ME1: variants seen among roughly 807,000 people sequenced by gnomAD.
ME1 encodes NADP-dependent malic enzyme.
Under a neutral mutation model 66.4 loss-of-function variants are expected in ME1, and 74 were observed. That is an observed-to-expected ratio of 1.11 (90% CI 0.92 to 1.35). The LOEUF is 1.35. Among genes scored for constraint, ME1 ranks in the 40% most tolerant of loss-of-function variants. ME1 has a pLI of 0.00. For missense variants in ME1, 750 were observed against 694.1 expected, an observed-to-expected ratio of 1.08 and a Z score of -0.90; for synonymous variants, 251 against 235.6, an observed-to-expected ratio of 1.07 and a Z score of -0.60.
At chr6:83,273,833 A>G (rs1767129012) in intron 6 of ME1, among the ~76,000 whole-genome samples, 1 of 152,096 alleles carries the variant, frequency 6.6e-6, no homozygotes, top group Non-Finnish European at 1.5e-5. Context: ...TTCTAACTAT[A>G]CTCACCAGTG....
chr6:83,325,450 G>T (rs544285393), intron 5 of ME1, among the ~76,000 whole-genome samples: 35 of 152,258 alleles, frequency 2.3e-4, no homozygotes, highest in African/African-American at 8.2e-4. Flanking sequence ...CGACATGATT[G>T]TATATTTAGA....
At position 83,352,152 on chromosome 6, in the gene ME1, A is replaced by G. The variant is rs926665788; in HGVS notation, c.363-13T>C. 1.3e-6 allele frequency: 2 copies of G among 1,503,944 alleles called. No homozygotes were observed. Among genetic ancestry groups the G allele is most frequent in the African/African-American group, 2.9e-5 (2 of 69,376 alleles). The allele number at this position is 1,503,944 out of a possible 1,614,324, so 93.2% of individuals were successfully genotyped here. A position where few individuals can be genotyped will look rare whatever the true frequency, so the allele number is the denominator to read the frequency against. ...AATAAAGAGACCTCTGCAGAAAAAAAAAAAAAAAAAGGAGTAGTTTACATT... is the reference window on the plus strand; with the variant it reads ...AATAAAGAGACCTCTGCAGAAAAAAGAAAAAAAAAAGGAGTAGTTTACATT... On this transcript the variant is annotated splice_polypyrimidine_tract_variant and intron_variant, in intron 3 of 13. Transcript: ENST00000369705.
In ME1 at chr6:83,227,526, CACACA is replaced by C. The variant is rs761979268; in HGVS notation, c.1133-54_1133-50del. 10 of 1,463,334 alleles carry C rather than the reference CACACA, an allele frequency of 6.8e-6. No homozygotes were observed. The East Asian group carries it at 2.1e-4, about 31-fold the overall frequency. 90.6% of individuals were successfully genotyped at this position (1,463,334 alleles called of 1,614,324 possible). A position where few individuals can be genotyped will look rare whatever the true frequency, so the allele number is the denominator to read the frequency against. On this transcript the variant is annotated intron_variant, in intron 10 of 13. Coordinates refer to ENST00000369705, the MANE Select transcript of ME1 (RefSeq NM_002395.6). Reference sequence around the variant, plus strand: ...TAATTAACACTATCATTGGTTAATTCACACAAGAAGACCATGCCTCAAATCAATGA... The same window carrying C: ...TAATTAACACTATCATTGGTTAATTCAGAAGACCATGCCTCAAATCAATGA...
intron 1 of ME1, among the ~76,000 whole-genome samples, chr6:83,428,350 A>G (rs996785441): frequency 2.6e-5 from 4 of 152,204 alleles, no homozygotes; most frequent in African/African-American, 9.6e-5. Flanking sequence ...TGGATAATAG[A>G]AAAGTGAAGA....
chr6:83,268,659 G>A (rs1144194), intron 6 of ME1, among the ~76,000 whole-genome samples: 44,037 of 151,414 alleles, frequency 0.29, 7,345 homozygotes, highest in Middle Eastern at 0.47. Flanking sequence ...TCCACCTCCC[G>A]GGCTCAAGCG....
intron 3 of ME1, among the ~76,000 whole-genome samples, chr6:83,391,722 C>T (rs1331409267): frequency 6.6e-6 from 1 of 152,290 alleles, no homozygotes; most frequent in East Asian, 1.9e-4. Flanking sequence ...CACTCCACTC[C>T]AGACACAGTG....
At chr6:83,277,257 T>C (rs532735861) in intron 6 of ME1, among the ~76,000 whole-genome samples, 1 of 152,382 alleles carries the variant, frequency 6.6e-6, no homozygotes, top group South Asian at 2.1e-4. Flanking sequence ...TCACTGTCTA[T>C]AAGTTGTGTA....
At chr6:83,220,295 A>AC (rs1474888186) in intron 12 of ME1, among the ~76,000 whole-genome samples, 1 of 152,178 alleles carries the variant, frequency 6.6e-6, no homozygotes, top group African/African-American at 2.4e-5. Flanking sequence ...ATGAGAAGAC[A>AC]CCAGCCTGTG....
chr6:83,267,995 C>A (rs1144196), intron 6 of ME1, among the ~76,000 whole-genome samples: 33,232 of 151,956 alleles, frequency 0.22, 4,122 homozygotes, highest in Middle Eastern at 0.39. Context: ...AGAGTTTATA[C>A]TGAATAATGA....
chr6:83,413,553 T>C (rs1040444410), intron 1 of ME1, among the ~76,000 whole-genome samples: 1 of 152,106 alleles, frequency 6.6e-6, no homozygotes, highest in African/African-American at 2.4e-5. Context: ...TATTTATATA[T>C]AAAGAGTACA....
intron 1 of ME1, among the ~76,000 whole-genome samples, chr6:83,410,957 C>A (rs1430594593): frequency 2.6e-5 from 4 of 152,258 alleles, no homozygotes; most frequent in East Asian, 1.9e-4. Flanking sequence ...CTCCCATATA[C>A]CATTAGCCAA....
chr6:83,373,771 C>G (rs540188512), intron 3 of ME1, among the ~76,000 whole-genome samples: 1 of 152,164 alleles, frequency 6.6e-6, no homozygotes, highest in Non-Finnish European at 1.5e-5. Flanking sequence ...TCCCCTCACC[C>G]CCCACAGGCC....
intron 1 of ME1, among the ~76,000 whole-genome samples, chr6:83,425,570 C>T (rs188810154): frequency 2.0e-5 from 3 of 152,232 alleles, no homozygotes; most frequent in Admixed American, 1.3e-4. Context: ...AACTCACTCA[C>T]TACCAGGAGA....
chr6:83,407,722 C>A, intron 2 of ME1, 46 bp downstream of exon 2: 5 of 1,477,276 alleles, frequency 3.4e-6, no homozygotes, highest in East Asian at 2.4e-5. Flanking sequence ...ATAAACTAGA[C>A]AACTGCATAA....
At chr6:83,296,985 A>T (rs1767609601) in intron 6 of ME1, among the ~76,000 whole-genome samples, 1 of 152,210 alleles carries the variant, frequency 6.6e-6, no homozygotes, top group African/African-American at 2.4e-5. Flanking sequence ...GATCATTATG[A>T]ATCAGTTGAA....
chr6:83,324,965 C>T (rs958637367), intron 5 of ME1, among the ~76,000 whole-genome samples: 5 of 151,466 alleles, frequency 3.3e-5, no homozygotes, highest in Non-Finnish European at 7.4e-5. Context: ...CAAAAGTCCT[C>T]AATAAAATAC....
intron 9 of ME1, among the ~76,000 whole-genome samples, chr6:83,233,714 TAA>T (rs887056980): frequency 5.3e-5 from 8 of 151,572 alleles, no homozygotes; most frequent in African/African-American, 1.7e-4. Flanking sequence ...AATTATATTA[TAA>T]GTTAATAAAA....
intron 6 of ME1, among the ~76,000 whole-genome samples, chr6:83,257,635 G>A (rs1261104507): frequency 6.6e-6 from 1 of 152,144 alleles, no homozygotes; most frequent in Non-Finnish European, 1.5e-5. Flanking sequence ...ACTTTAGCTA[G>A]CTGTATTAAT....
chr6:83,272,484 T>A (rs1767101431), intron 6 of ME1, among the ~76,000 whole-genome samples: 1 of 152,172 alleles, frequency 6.6e-6, no homozygotes, highest in African/African-American at 2.4e-5. Context: ...ATAATATTTT[T>A]AAAAACCATA....
Sources: gnomAD v4.1 joint callset for allele counts (sites outside exome capture counted in the v4.1 genomes callset) on GRCh38, gnomAD v4.1.1 for gene constraint, MANE v1.5 for transcripts, NCBI Gene and HGNC (gene_info 2026-07-23, HGNC 2026-07-21) for gene names.